The following GALNT2 variants were observed in gnomAD, a reference collection of about 807,000 sequenced individuals.
GALNT2 encodes the protein polypeptide N-acetylgalactosaminyltransferase 2, also known as UDP-GalNAc:polypeptide N-acetylgalactosaminyltransferase 2.
GALNT2 carries 31 observed loss-of-function variants against 81.4 expected under a neutral mutation model. That is an observed-to-expected ratio of 0.38 (90% CI 0.29 to 0.51). GALNT2 has a LOEUF of 0.51. GALNT2 is among the 20% of genes least tolerant of loss of function. GALNT2 has a pLI of 0.87. For missense variants in GALNT2, 629 were observed against 765.7 expected, an observed-to-expected ratio of 0.82 and a Z score of 2.11; for synonymous variants, 303 against 287.4, an observed-to-expected ratio of 1.05 and a Z score of -0.55.
chr1:230,234,743 T>G (rs1664973407), intron 3 of GALNT2, among the ~76,000 whole-genome samples: 1 of 152,228 alleles, frequency 6.6e-6, no homozygotes, highest in East Asian at 1.9e-4. Flanking sequence ...CCAGGTGTGT[T>G]GTTCTCTCAG....
intron 1 of GALNT2, among the ~76,000 whole-genome samples, chr1:230,148,522 C>T (rs1661993454): frequency 6.6e-6 from 1 of 152,232 alleles, no homozygotes; most frequent in Non-Finnish European, 1.5e-5. Flanking sequence ...GTCCCTCACT[C>T]GCCTTCCGGA....
At chr1:230,141,271 C>G (rs1201608023) in intron 1 of GALNT2, among the ~76,000 whole-genome samples, 1 of 152,172 alleles carries the variant, frequency 6.6e-6, no homozygotes, top group Non-Finnish European at 1.5e-5. Context: ...GGCTCTGGCT[C>G]CAGACCCGGG....
At chr1:230,269,262 T>C (rs917093732) in intron 14 of GALNT2, among the ~76,000 whole-genome samples, 2 of 146,520 alleles carry the variant, frequency 1.4e-5, no homozygotes, top group African/African-American at 5.1e-5. Flanking sequence ...CTCGGCTCAC[T>C]GCCACCTCCG....
chr1:230,223,842 A>T (rs2102724968), intron 3 of GALNT2, among the ~76,000 whole-genome samples: 1 of 152,276 alleles, frequency 6.6e-6, no homozygotes. Context: ...GGTGTCCTAA[A>T]ATGTCACCCT....
Position 230,067,249 on chromosome 1 carries a change from G to T in GALNT2, c.-32G>T. On this transcript the variant is annotated 5_prime_UTR_variant, in exon 1 of 16. Transcript: ENST00000366672. Reference sequence around the variant, plus strand: ...CCGGCCCAGGCAGCACTCGCGAGCAGCGGCGGCCCCGCCGGCGGCCGAGTT... The same window carrying T: ...CCGGCCCAGGCAGCACTCGCGAGCATCGGCGGCCCCGCCGGCGGCCGAGTT... 7.9e-7 allele frequency: 1 copy of T among 1,262,132 alleles called. No individual in the cohort carries two copies. 78.2% of individuals were successfully genotyped at this position (1,262,132 alleles called of 1,614,324 possible).
At chr1:230,102,538 T>C (rs1451236773) in intron 1 of GALNT2, among the ~76,000 whole-genome samples, 1 of 152,162 alleles carries the variant, frequency 6.6e-6, no homozygotes, top group Non-Finnish European at 1.5e-5. Flanking sequence ...TAGGGGAACG[T>C]TTATACCTTG....
At chr1:230,178,162 G>A (rs1269233905) in intron 1 of GALNT2, 56 bp from the exon 2 acceptor site, 2 of 1,378,620 alleles carry the variant, frequency 1.5e-6, no homozygotes, top group African/African-American at 2.8e-5. Flanking sequence ...TTGAACTGAT[G>A]AATGAAGGTG....
rs773695703 is a variant in GALNT2, at chr1:230,203,229, A to T, written c.313A>T (p.Asn105Tyr). 6.2e-7 allele frequency: 1 copy of T among 1,614,190 alleles called. No individual in the cohort carries two copies. Among genetic ancestry groups the T allele is most frequent in the Non-Finnish European group, 8.5e-7 (1 of 1,180,028 alleles). The change falls in exon 3 of 16, where the codon AAC becomes TAC. Residue 105 changes from asparagine to tyrosine, a missense_variant. This residue lies in a region of GALNT2 where 360 missense variants were observed against 492.8 expected (regional missense o/e 0.73). Transcript: ENST00000366672. The stretch of plus-strand genomic sequence containing the variant: ...GGACCCTTACGCCCGCAACAAGTTC[A>T]ACCAGGTGGAGAGTGATAAGCTTCG... ...GQDPYARNKF[N>Y]QVESDKLRMD...
chr1:230,195,994 C>G (rs191004674), intron 2 of GALNT2, among the ~76,000 whole-genome samples: 3 of 152,340 alleles, frequency 2.0e-5, no homozygotes, highest in Admixed American at 6.5e-5. Flanking sequence ...AGCCTCCTCA[C>G]TTTCGTCTCC....
rs774570005 is a variant in GALNT2 at position 230,274,481 on chromosome 1, A to G, written c.1477A>G (p.Met493Val). ...GACGAAGGAGAAGTCGGTGAAGCAC[A>G]TGGATTTGTGCCTTACTGTGGTGGA... ...ALTKEKSVKHMDLCLTVVDRA... is the reference protein window; with the variant it reads ...ALTKEKSVKHVDLCLTVVDRA... The change falls in exon 15 of 16, where the codon ATG (methionine) becomes GTG (valine). Residue 493 changes from methionine to valine, a missense_variant. Coordinates refer to ENST00000366672, the MANE Select transcript of GALNT2 (RefSeq NM_004481.5). 13 of 1,613,710 alleles carry G rather than the reference A, an allele frequency of 8.1e-6. No homozygotes were observed. The highest frequency in any genetic ancestry group is 4.4e-5 in the South Asian group (4 of 90,998).
At chr1:230,096,681 A>G (rs1660264465) in intron 1 of GALNT2, among the ~76,000 whole-genome samples, 1 of 152,166 alleles carries the variant, frequency 6.6e-6, no homozygotes, top group Non-Finnish European at 1.5e-5. Flanking sequence ...GTTGGGAACT[A>G]CCACCAATGT....
intron 2 of GALNT2, among the ~76,000 whole-genome samples, chr1:230,194,592 T>C (rs1663628862): frequency 6.6e-6 from 1 of 152,170 alleles, no homozygotes; most frequent in South Asian, 2.1e-4. Context: ...ACAAGGAATC[T>C]CCCTTCCTCT....
At chr1:230,140,010 C>T (rs576252341) in intron 1 of GALNT2, among the ~76,000 whole-genome samples, 12 of 152,352 alleles carry the variant, frequency 7.9e-5, no homozygotes, top group South Asian at 6.2e-4. Flanking sequence ...AGACATCCTG[C>T]GACCACCCCA....
At chr1:230,273,792 A>G (rs1265750754) in intron 14 of GALNT2, among the ~76,000 whole-genome samples, 1 of 152,206 alleles carries the variant, frequency 6.6e-6, no homozygotes, top group African/African-American at 2.4e-5. Context: ...GCTGTTGTAT[A>G]AAGGGCTTAA....
intron 1 of GALNT2, among the ~76,000 whole-genome samples, chr1:230,143,249 G>A (rs180947330): frequency 6.6e-6 from 1 of 152,252 alleles, no homozygotes; most frequent in East Asian, 1.9e-4. Flanking sequence ...CACTCTCTCT[G>A]GCTTTCAGTT....
At chr1:230,198,909 A>T (rs1320460408) in intron 2 of GALNT2, among the ~76,000 whole-genome samples, 1 of 152,144 alleles carries the variant, frequency 6.6e-6, no homozygotes, top group Non-Finnish European at 1.5e-5. Context: ...TTCTCATGTT[A>T]TTTAAATACC....
chr1:230,236,228 C>G, intron 4 of GALNT2, 116 bp downstream of exon 4: 1 of 1,344,932 alleles, frequency 7.4e-7, no homozygotes. Flanking sequence ...GACTGCTCAG[C>G]ACAGGGTGCA....
intron 2 of GALNT2, among the ~76,000 whole-genome samples, chr1:230,183,599 A>T (rs1663226311): frequency 6.6e-6 from 1 of 152,256 alleles, no homozygotes; most frequent in Non-Finnish European, 1.5e-5. Context: ...AAGCATATGT[A>T]TATAATATAT....
At chr1:230,078,278 T>G (rs958713747) in intron 1 of GALNT2, among the ~76,000 whole-genome samples, 1 of 151,906 alleles carries the variant, frequency 6.6e-6, no homozygotes, top group Non-Finnish European at 1.5e-5. Context: ...GTGTCGTATT[T>G]GGGGGGGGAT....
Sources: allele counts gnomAD v4.1 joint callset (sites outside exome capture counted in the v4.1 genomes callset), GRCh38; gene constraint gnomAD v4.1.1; regional missense constraint gnomAD v4.1.1; transcripts MANE v1.5; gene names NCBI Gene and HGNC (gene_info 2026-07-23, HGNC 2026-07-21).